Variants in ZNF385D observed in about 807,000 individuals in gnomAD.
The protein encoded by ZNF385D is zinc finger protein 659.
Under a neutral mutation model 35.8 loss-of-function variants are expected in ZNF385D, and 15 were observed. The observed-to-expected ratio is 0.42, with a 90% CI of 0.28 to 0.64. The LOEUF (loss-of-function observed/expected upper bound fraction) is 0.64. ZNF385D is among the 30% of genes least tolerant of loss of function. ZNF385D has a pLI of 0.23. For missense variants in ZNF385D, 474 were observed against 494.6 expected, an observed-to-expected ratio of 0.96 and a Z score of 0.39; for synonymous variants, 212 against 186.8, an observed-to-expected ratio of 1.13 and a Z score of -1.10.
intron 2 of ZNF385D, among the ~76,000 whole-genome samples, chr3:22,244,027 T>C (rs1202960470): frequency 2.0e-5 from 3 of 150,940 alleles, no homozygotes; most frequent in Non-Finnish European, 4.4e-5. Flanking sequence ...ATCTCTTCAT[T>C]GGCTTAGCAC....
intron 3 of ZNF385D, among the ~76,000 whole-genome samples, chr3:21,836,343 T>A (rs918047934): frequency 6.6e-6 from 1 of 152,136 alleles, no homozygotes; most frequent in Admixed American, 6.6e-5. Flanking sequence ...TCTCTTCCCC[T>A]CATCTCTTAC....
chr3:22,203,350 G>A (rs1696931983), intron 2 of ZNF385D, among the ~76,000 whole-genome samples: 1 of 152,092 alleles, frequency 6.6e-6, no homozygotes, highest in Non-Finnish European at 1.5e-5. Flanking sequence ...ATCGCCTGCT[G>A]ATTAAAGAGT....
intron 3 of ZNF385D, among the ~76,000 whole-genome samples, chr3:21,919,840 A>G (rs1212934169): frequency 3.3e-5 from 5 of 152,206 alleles, no homozygotes; most frequent in Non-Finnish European, 7.4e-5. Flanking sequence ...GTAGAACTGA[A>G]TAACTTTTCT....
intron 3 of ZNF385D, among the ~76,000 whole-genome samples, chr3:21,796,776 T>A (rs1361935078): frequency 6.6e-6 from 1 of 152,182 alleles, no homozygotes; most frequent in Non-Finnish European, 1.5e-5. Flanking sequence ...ACACATCTAG[T>A]TAGTGCCAGA....
intron 2 of ZNF385D, among the ~76,000 whole-genome samples, chr3:21,627,052 GTTTT>G (rs1025007613): frequency 1.4e-5 from 2 of 144,186 alleles, no homozygotes; most frequent in Admixed American, 7.0e-5. Flanking sequence ...TTAGGGAGGT[GTTTT>G]TTTTTTTCTC....
intron 2 of ZNF385D, among the ~76,000 whole-genome samples, chr3:21,639,677 C>T (rs1249690864): frequency 6.6e-6 from 1 of 151,868 alleles, no homozygotes; most frequent in Non-Finnish European, 1.5e-5. Flanking sequence ...AATATTTGAC[C>T]ATCCTAACAC....
chr3:21,807,154 A>C (rs76273574), intron 3 of ZNF385D, among the ~76,000 whole-genome samples: 8 of 152,184 alleles, frequency 5.3e-5, no homozygotes, highest in Non-Finnish European at 1.0e-4. Context: ...GAAATTAGAA[A>C]AGAATAGCTA....
chr3:21,672,589 G>A (rs2066609426), intron 1 of ZNF385D, among the ~76,000 whole-genome samples: 1 of 152,140 alleles, frequency 6.6e-6, no homozygotes, highest in African/African-American at 2.4e-5. Flanking sequence ...CATGTCAATG[G>A]TCAGTGATTC....
chr3:22,256,655 TATC>T (rs1312372867), intron 2 of ZNF385D, among the ~76,000 whole-genome samples: 14 of 151,932 alleles, frequency 9.2e-5, no homozygotes, highest in Non-Finnish European at 1.5e-4. Context: ...TAGCAGCAGT[TATC>T]ATAACAAATG....
At chr3:21,555,179 CTCTT>C (rs1381127268) in intron 3 of ZNF385D, among the ~76,000 whole-genome samples, 2 of 150,918 alleles carry the variant, frequency 1.3e-5, no homozygotes, top group Non-Finnish European at 3.0e-5. Flanking sequence ...AGATGTGTGA[CTCTT>C]TCTTTCACTT....
intron 2 of ZNF385D, among the ~76,000 whole-genome samples, chr3:22,271,048 T>A (rs183664205): frequency 6.2e-4 from 95 of 152,056 alleles, no homozygotes; most frequent in African/African-American, 2.2e-3. Context: ...TTTTAGCCCC[T>A]CCTTCCATGA....
At chr3:22,073,461 ATT>A (rs964791972) in intron 3 of ZNF385D, among the ~76,000 whole-genome samples, 9 of 151,880 alleles carry the variant, frequency 5.9e-5, no homozygotes, top group African/African-American at 2.2e-4. Flanking sequence ...ACTTCCAGAA[ATT>A]TAATCTTTCC....
chr3:21,927,124 C>T (rs1195853259), intron 3 of ZNF385D, among the ~76,000 whole-genome samples: 2 of 152,038 alleles, frequency 1.3e-5, no homozygotes, highest in African/African-American at 4.8e-5. Flanking sequence ...CACCTCCCTC[C>T]CCTCTGTCTC....
At chr3:21,584,162 C>T (rs546163445) in intron 2 of ZNF385D, among the ~76,000 whole-genome samples, 4 of 150,686 alleles carry the variant, frequency 2.7e-5, no homozygotes, top group Admixed American at 6.6e-5. Context: ...TTACTATAGA[C>T]GGGGTTTCAC....
chr3:21,887,461 G>A (rs1698607368), intron 3 of ZNF385D, among the ~76,000 whole-genome samples: 1 of 152,132 alleles, frequency 6.6e-6, no homozygotes, highest in Non-Finnish European at 1.5e-5. Context: ...TCTAAGTCTA[G>A]CAGATGGTAA....
chr3:21,898,402 G>A lies in ZNF385D; in HGVS notation c.326-233374C>T, dbSNP rs115821890. 3.6e-3 allele frequency among the ~76,000 whole-genome samples: 551 copies of A among 152,024 alleles called. 5 individuals carry two copies. The highest frequency in any genetic ancestry group is 0.013 in the African/African-American group (529 of 41,450). ...GGAGAGTTTCATTTTCATTGCTATT[G>A]GAAGACAAACTTCCTACATAAACAC... On this transcript the variant is annotated intron_variant, in intron 3 of 5. Transcript: ENST00000494108.
intron 1 of ZNF385D, among the ~76,000 whole-genome samples, chr3:21,728,248 A>C (rs2068848475): frequency 6.6e-6 from 1 of 151,104 alleles, no homozygotes; most frequent in Non-Finnish European, 1.5e-5. Context: ...ACAAAACTGC[A>C]CGTTCTGCCC....
intron 2 of ZNF385D, among the ~76,000 whole-genome samples, chr3:22,301,653 A>G (rs763455365): frequency 1.2e-4 from 19 of 152,070 alleles, no homozygotes; most frequent in Non-Finnish European, 2.5e-4. Flanking sequence ...ACTTACCAAC[A>G]GGCTTAAGTG....
In ZNF385D at chr3:22,293,035, C is replaced by T. The variant is rs1422671346; in HGVS notation, c.106+79415G>A. On this transcript the variant is annotated intron_variant, in intron 2 of 5. Transcript: ENST00000494108. ...TGATTTCAACAGTTACCTCAAGAAG[C>T]TGTAAGTTAGTAGTATCCAGAGGCT... Among the ~76,000 whole-genome samples, 3 of 152,090 alleles carry T rather than the reference C, an allele frequency of 2.0e-5. No individual in the cohort carries two copies. In the East Asian group the frequency reaches 5.8e-4, roughly 29 times the overall value.
Sources: gnomAD v4.1 joint callset for allele counts (sites outside exome capture counted in the v4.1 genomes callset) on GRCh38, gnomAD v4.1.1 for gene constraint, MANE v1.5 for transcripts, NCBI Gene and HGNC (gene_info 2026-07-23, HGNC 2026-07-21) for gene names.